The following SPATA7 variants were observed in gnomAD, a reference collection of about 807,000 sequenced individuals.
SPATA7 encodes spermatogenesis-associated protein 7.
Under a neutral mutation model 51.8 loss-of-function variants are expected in SPATA7, and 43 were observed. The observed-to-expected ratio is 0.83, with a 90% CI of 0.65 to 1.07. The LOEUF is 1.07. Ranked by LOEUF, SPATA7 falls within the 50% of genes least tolerant of loss-of-function variation. The pLI, the probability that SPATA7 is intolerant of heterozygous loss-of-function variation, is 0.00. For synonymous variants in SPATA7, 230 were observed against 252.8 expected, an observed-to-expected ratio of 0.91 and a Z score of 0.86; for missense variants, 683 against 701.3, an observed-to-expected ratio of 0.97 and a Z score of 0.30.
chr14:88,415,167 C>T, intron 4 of SPATA7: 2 of 252,804 alleles, frequency 7.9e-6, no homozygotes, highest in African/African-American at 2.3e-5. Context: ...GTTGAAGTCC[C>T]CCATTATTAA....
chr14:88,468,232 T>G (rs770931656), intron 4 of SPATA7: 1 of 1,610,150 alleles, frequency 6.2e-7, no homozygotes, highest in Non-Finnish European at 8.5e-7. Context: ...CTCTGTTGCC[T>G]CAGCATGTCC....
intron 4 of SPATA7, among the ~76,000 whole-genome samples, chr14:88,464,635 CA>C (rs1200222904): frequency 6.6e-6 from 1 of 152,028 alleles, no homozygotes; most frequent in Non-Finnish European, 1.5e-5. Context: ...GAGGCCAAGG[CA>C]GGAGAATTGC....
downstream of SPATA7, among the ~76,000 whole-genome samples, chr14:88,443,289 G>A (rs1456280521): frequency 2.0e-5 from 3 of 151,998 alleles, no homozygotes; most frequent in Admixed American, 1.3e-4. Flanking sequence ...CTCACTGCTC[G>A]TTATTGGTCT....
chr14:88,426,928 C>T (rs2076810198), intron 6 of SPATA7, among the ~76,000 whole-genome samples: 1 of 152,104 alleles, frequency 6.6e-6, no homozygotes, highest in African/African-American at 2.4e-5. Flanking sequence ...GTATGAATTA[C>T]ATATTTTATT....
In SPATA7 at chr14:88,391,360, AT is replaced by A. The variant is rs771452294; in HGVS notation, c.20-12del. 3.9e-5 allele frequency: 61 copies of A among 1,574,862 alleles called. No homozygotes were observed. Among genetic ancestry groups the A allele is most frequent in the Middle Eastern group, 1.8e-4 (1 of 5,484 alleles). On this transcript the variant is annotated intron_variant, in intron 1 of 11. Transcript: ENST00000393545. ...TGTGTTTCATTTATCCTAATTTATG[AT>A]TTTTTTTTCTTGTTAAAAGTCAGAG...
downstream of SPATA7, among the ~76,000 whole-genome samples, chr14:88,442,412 G>A (rs2077183945): frequency 6.6e-6 from 1 of 152,114 alleles, no homozygotes; most frequent in Admixed American, 6.5e-5. Context: ...GTTTCACCAT[G>A]TGGGCCATGT....
chr14:88,438,037 A>T lies in SPATA7; in HGVS notation c.1415A>T (p.Asp472Val). ...QERQQYQKAL[D>V]MLLSAPKDEN... ...CGTCAACAATACCAAAAGGCTTTGG[A>T]TATGTTATTGTCGGCACCAAAGGAT... The change falls in exon 12 of 12, where the codon GAT (aspartate) becomes GTT (valine). Residue 472 changes from aspartate to valine, a missense_variant. By Grantham distance (152) the Asp-to-Val change is radical (BLOSUM62 -3). Coordinates refer to ENST00000393545, the MANE Select transcript of SPATA7 (RefSeq NM_018418.5). The T allele has an allele frequency of 6.2e-7, 1 of 1,614,116 alleles. No homozygotes were observed. Among genetic ancestry groups the T allele is most frequent in the Non-Finnish European group, 8.5e-7 (1 of 1,180,012 alleles).
chr14:88,432,489 C>G (rs554488772), intron 9 of SPATA7: 3 of 152,066 alleles, frequency 2.0e-5, no homozygotes, highest in Non-Finnish European at 4.4e-5. Context: ...GTAATAGCTA[C>G]TAAAATATAG....
At chr14:88,396,225 T>C in intron 4 of SPATA7, 22 bp downstream of exon 4, 2 of 1,582,942 alleles carry the variant, frequency 1.3e-6, no homozygotes, top group Non-Finnish European at 1.7e-6. Flanking sequence ...TTGGACATTA[T>C]TACCTTTTTA....
intron 4 of SPATA7, chr14:88,466,193 TA>T (rs1463781406): frequency 1.1e-4 from 17 of 152,196 alleles, no homozygotes; most frequent in African/African-American, 3.9e-4. Flanking sequence ...TACTGTTCTT[TA>T]AACAGGACTT....
intron 4 of SPATA7, among the ~76,000 whole-genome samples, chr14:88,407,856 A>G (rs144518800): frequency 0.01 from 1,551 of 152,278 alleles, 14 homozygotes; most frequent in Non-Finnish European, 0.018. Flanking sequence ...ACTGTTTGTT[A>G]AATAGGGACT....
At chr14:88,431,818 A>G (rs1164384430) in intron 9 of SPATA7, among the ~76,000 whole-genome samples, 2 of 152,160 alleles carry the variant, frequency 1.3e-5, no homozygotes, top group Admixed American at 1.3e-4. Flanking sequence ...ATAGTATTTC[A>G]TGGTGTATAT....
intron 1 of SPATA7, 55 bp from the exon 2 acceptor site, chr14:88,391,326 T>A: frequency 3.0e-6 from 4 of 1,353,448 alleles, no homozygotes; most frequent in Non-Finnish European, 4.2e-6. Flanking sequence ...TTGTTGTTTT[T>A]GTAAAAGTTG....
chr14:88,386,564 T>C (rs1254237808), intron 1 of SPATA7, among the ~76,000 whole-genome samples: 1 of 152,198 alleles, frequency 6.6e-6, no homozygotes, highest in Non-Finnish European at 1.5e-5. Flanking sequence ...ACCTGTTCTC[T>C]ACTGATTTCT....
At chr14:88,416,678 T>C in intron 4 of SPATA7, 33 bp from the exon 5 acceptor site, 3 of 1,610,404 alleles carry the variant, frequency 1.9e-6, no homozygotes. Context: ...TCTATTTTGT[T>C]CCATATTTTG....
intron 4 of SPATA7, among the ~76,000 whole-genome samples, chr14:88,406,950 A>C (rs1007713960): frequency 6.6e-6 from 1 of 152,084 alleles, no homozygotes; most frequent in African/African-American, 2.4e-5. Flanking sequence ...ATTCTTTTTT[A>C]TGGCTGCATA....
chr14:88,446,608 C>T (rs1201879684), intron 3 of SPATA7, among the ~76,000 whole-genome samples: 1 of 151,994 alleles, frequency 6.6e-6, no homozygotes, highest in Admixed American at 6.6e-5. Context: ...CCTGCTTTCT[C>T]TTGTGGGCAT....
chr14:88,394,071 T>TA (rs972477184), intron 3 of SPATA7, among the ~76,000 whole-genome samples: 96 of 152,098 alleles, frequency 6.3e-4, no homozygotes, highest in African/African-American at 2.1e-3. Flanking sequence ...GCAAAAAATT[T>TA]AAAAAAAAGT....
chr14:88,429,124 T>G lies in SPATA7; in HGVS notation c.913-224T>G, dbSNP rs186895882. The stretch of plus-strand genomic sequence containing the variant: ...TTTGTGGCAATTTCTTAATGTCATT[T>G]AAATGCCACTCATTAAAATACAAGA... On this transcript the variant is annotated intron_variant, in intron 7 of 11. Coordinates refer to ENST00000393545, the MANE Select transcript of SPATA7 (RefSeq NM_018418.5). 1.5e-3 allele frequency: 481 copies of G among 319,844 alleles called. 5 individuals carry two copies. In the East Asian group the frequency reaches 0.024, roughly 16 times the overall value. 19.8% of individuals were successfully genotyped at this position (319,844 alleles called of 1,614,324 possible).
Sources: allele counts gnomAD v4.1 joint callset (sites outside exome capture counted in the v4.1 genomes callset), GRCh38; gene constraint gnomAD v4.1.1; transcripts MANE v1.5; gene names NCBI Gene and HGNC (gene_info 2026-07-23, HGNC 2026-07-21).